The following VWF variants were observed in gnomAD, a reference collection of about 807,000 sequenced individuals.
VWF encodes the protein von Willebrand factor.
VWF carries 176 observed loss-of-function variants against 308.6 expected under a neutral mutation model. The ratio of observed to expected loss-of-function variants is 0.57; its 90% CI spans 0.50 to 0.65. The LOEUF (loss-of-function observed/expected upper bound fraction) is 0.65, where lower values mean the gene tolerates loss of function less well. VWF is among the 30% of genes least tolerant of loss of function. VWF has a pLI of 0.00. For missense variants in VWF, 3,146 were observed against 3,648.2 expected (o/e 0.86, Z 3.55); for synonymous variants, 1,385 against 1,443.4 (o/e 0.96, Z 0.92).
At chr12:6,049,403 T>G (rs559580273) in intron 16 of VWF, among the ~76,000 whole-genome samples, 1 of 152,220 alleles carries the variant, frequency 6.6e-6, no homozygotes, top group African/African-American at 2.4e-5. Context: ...CCCAACCCTG[T>G]TCACCCAGGG....
rs772887330 is a variant in VWF, at chr12:6,018,809, C to T, written c.4609G>A (p.Val1537Ile). Residue 1537 changes from valine to isoleucine, a missense_variant, in exon 28 of 52, where the codon GTC (valine) becomes ATC (isoleucine). Coordinates refer to ENST00000261405, the MANE Select transcript of VWF (RefSeq NM_000552.5). Reference protein sequence around the residue: ...RMDVGQDSIHVTVLQYSYMVT... With the variant: ...RMDVGQDSIHITVLQYSYMVT... ...ATGTAGGAGTACTGCAGCACCGTGA[C>T]GTGGATGCTGTCCTGGCCCACATCC... 29 of 1,613,944 alleles carry T rather than the reference C, an allele frequency of 1.8e-5. No individual in the cohort carries two copies. The highest frequency in any genetic ancestry group is 1.7e-4 in the Middle Eastern group (1 of 6,058).
chr12:6,117,839 G>T (rs1406674415), intron 3 of VWF, among the ~76,000 whole-genome samples: 1 of 152,194 alleles, frequency 6.6e-6, no homozygotes, highest in East Asian at 1.9e-4. Context: ...ATGAGGAATT[G>T]GAGGCTAAGA....
intron 34 of VWF, among the ~76,000 whole-genome samples, chr12:6,010,219 T>C (rs80025906): frequency 6.6e-6 from 1 of 152,072 alleles, no homozygotes; most frequent in African/African-American, 2.4e-5. Flanking sequence ...AAACATATGA[T>C]AAAATGTTTA....
At chr12:6,054,905 T>C (rs948344439) in intron 15 of VWF, among the ~76,000 whole-genome samples, 2 of 152,276 alleles carry the variant, frequency 1.3e-5, no homozygotes, top group African/African-American at 4.8e-5. Flanking sequence ...CAAGAAAAGA[T>C]TGGGGCAAGA....
Position 6,075,770 on chromosome 12 carries a change from T to C in VWF, c.658-219A>G, listed in dbSNP as rs1030092472. On this transcript the variant is annotated intron_variant, in intron 6 of 51. Transcript: ENST00000261405. This position sits in a 1 kb window ranked among gnomAD's most constrained non-coding sequence, Gnocchi z 4.7. ...GTAGACCAAGGCTAAGGTTACATCC[T>C]AGACTGAGTCCTGGAAATGCAGAGT... Among the ~76,000 whole-genome samples the C allele has an allele frequency of 6.6e-6, 1 of 152,220 alleles. No individual in the cohort carries two copies. The highest frequency in any genetic ancestry group is 2.4e-5 in the African/African-American group (1 of 41,462).
intron 34 of VWF, among the ~76,000 whole-genome samples, chr12:5,998,963 G>A (rs751684565): frequency 4.6e-5 from 7 of 152,084 alleles, no homozygotes; most frequent in Admixed American, 2.0e-4. Context: ...TCCTGACCTC[G>A]TGATCTGCCT....
At chr12:6,123,047 A>G in intron 2 of VWF, 95 bp downstream of exon 2, 2 of 1,503,202 alleles carry the variant, frequency 1.3e-6, no homozygotes, top group Non-Finnish European at 1.9e-6. Context: ...CTGGGCACAC[A>G]GGTGAGCTCC....
In VWF at chr12:6,121,305, G is replaced by T. The variant is rs1468538045; in HGVS notation, c.89C>A (p.Ser30Ter). ...GAAAAGGCTGCATCGGGCCGTGGAT[G>T]ACCTGCCGCGAGTTCCTTCTGCACA... ...TLCAEGTRGR[S>*]STARCSLFGS... The change falls in exon 3 of 52, where the codon TCA becomes TAA. Residue 30 changes from serine (S) to a stop codon, truncating the protein, a stop_gained. Coordinates refer to ENST00000261405, the MANE Select transcript of VWF (RefSeq NM_000552.5). LOFTEE classifies it high-confidence loss of function. 6.2e-7 allele frequency: 1 copy of T among 1,614,200 alleles called. No homozygotes were observed. The highest frequency in any genetic ancestry group is 8.5e-7 in the Non-Finnish European group (1 of 1,180,046).
At chr12:5,949,607 G>C (rs1565805646) in intron 51 of VWF, among the ~76,000 whole-genome samples, 179 bp downstream of exon 51, 2 of 151,492 alleles carry the variant, frequency 1.3e-5, no homozygotes, top group Non-Finnish European at 2.9e-5. Context: ...TTTTTTCCTG[G>C]AGTCAAAAAT....
intron 7 of VWF, among the ~76,000 whole-genome samples, chr12:6,073,948 C>T (rs1309328242): frequency 2.0e-5 from 3 of 152,150 alleles, no homozygotes; most frequent in Non-Finnish European, 4.4e-5. Context: ...TTGTGAGGCC[C>T]TTACCAAGAC....
intron 2 of VWF, among the ~76,000 whole-genome samples, chr12:6,121,931 GAAAAAA>G (rs750249010): frequency 7.0e-6 from 1 of 142,594 alleles, no homozygotes; most frequent in African/African-American, 2.6e-5. Context: ...ACTCTGTCTC[GAAAAAA>G]AAAAGAAAAA....
At chr12:6,027,124 G>A (rs1179417591) in intron 22 of VWF, among the ~76,000 whole-genome samples, 1 of 152,158 alleles carries the variant, frequency 6.6e-6, no homozygotes, top group East Asian at 1.9e-4. Context: ...TTGGGCAAAA[G>A]GCCAACGATC....
At chr12:6,087,355 T>A (rs1310129840) in intron 6 of VWF, among the ~76,000 whole-genome samples, 10 of 97,176 alleles carry the variant, frequency 1.0e-4, no homozygotes, top group African/African-American at 3.5e-4. Context: ...GACTTAACTC[T>A]TTTTTTTTTT....
rs548071412 is a variant in VWF, at chr12:5,951,705, C to T, written c.8155+139G>A. On this transcript the variant is annotated intron_variant, in intron 50 of 51. Coordinates refer to ENST00000261405, the MANE Select transcript of VWF (RefSeq NM_000552.5). ...GAACATAATGACTGACCAGTGGTCACGAAATATCTTTCTGAAATAAAGCTT... is the reference window on the plus strand; with the variant it reads ...GAACATAATGACTGACCAGTGGTCATGAAATATCTTTCTGAAATAAAGCTT... The T allele has an allele frequency of 2.8e-4, 280 of 1,000,250 alleles. No homozygotes were observed. In the East Asian group the frequency reaches 4.3e-3, roughly 15 times the overall value. The allele number at this position is 1,000,250 out of a possible 1,614,324, so 62.0% of individuals were successfully genotyped here.
At chr12:5,975,773 T>A (rs1943525559) in intron 43 of VWF, among the ~76,000 whole-genome samples, 1 of 150,610 alleles carries the variant, frequency 6.6e-6, no homozygotes, top group Admixed American at 6.6e-5. Context: ...CTTAAGGCCA[T>A]ACAACAGACG....
intron 11 of VWF, among the ~76,000 whole-genome samples, chr12:6,064,917 A>T (rs1944694335): frequency 1.3e-5 from 2 of 152,154 alleles, no homozygotes; most frequent in Non-Finnish European, 2.9e-5. Flanking sequence ...AGCCCTGAGG[A>T]GGCATTATTG....
In VWF at chr12:5,975,971, G is replaced by T. The variant is rs535995017; in HGVS notation, c.7437+140C>A. ...GCAGAGCTTGCAGTGAGCCGAGATT[G>T]TGCCACTGCACTCCAGCCTGGGCGA... On this transcript the variant is annotated intron_variant, in intron 43 of 51. Transcript: ENST00000261405. 13 of 1,241,094 alleles carry T rather than the reference G, an allele frequency of 1.0e-5. No individual in the cohort carries two copies. The African/African-American group carries it at 1.3e-4, about 13-fold the overall frequency. The allele number at this position is 1,241,094 out of a possible 1,614,324, so 76.9% of individuals were successfully genotyped here.
At position 6,029,655 on chromosome 12, in the gene VWF, C is replaced by T. The variant is rs533087424; in HGVS notation, c.2821-167G>A. ...CTGCACCCCTGCAGGGCCAGCCCCA[C>T]GCCAGGACATGTCTGTGACCATCTC... On this transcript the variant is annotated intron_variant, in intron 21 of 51. Coordinates refer to ENST00000261405, the MANE Select transcript of VWF (RefSeq NM_000552.5). 1.1e-3 allele frequency among the ~76,000 whole-genome samples: 165 copies of T among 152,296 alleles called. 1 individual carries two copies. Among genetic ancestry groups the T allele is most frequent in the Middle Eastern group, 3.4e-3 (1 of 294 alleles).
At chr12:5,982,314 G>C (rs1367812943) in intron 41 of VWF, among the ~76,000 whole-genome samples, 1 of 152,122 alleles carries the variant, frequency 6.6e-6, no homozygotes, top group African/African-American at 2.4e-5. Context: ...GTCAGATGTA[G>C]AATCTCTAAG....
Sources: allele counts gnomAD v4.1 joint callset (sites outside exome capture counted in the v4.1 genomes callset), GRCh38; gene constraint gnomAD v4.1.1; non-coding constraint Gnocchi (gnomAD v3.1); transcripts MANE v1.5; gene names NCBI Gene and HGNC (gene_info 2026-07-23, HGNC 2026-07-21).